Variants in RNF169 observed in about 807,000 individuals in gnomAD.
RNF169 encodes the protein ring finger protein 169, also known as E3 ubiquitin-protein ligase RNF169.
In RNF169, 24 loss-of-function variants were observed where a neutral mutation model predicts 53.9. The ratio of observed to expected loss-of-function variants is 0.45; its 90% confidence interval spans 0.32 to 0.63. The LOEUF (loss-of-function observed/expected upper bound fraction) is 0.63, where lower values mean the gene tolerates loss of function less well. Ranked by LOEUF, RNF169 falls within the 20% of genes least tolerant of loss-of-function variation. The probability of loss-of-function intolerance (pLI) is 0.04; values close to 1 mark genes in which losing one functional copy is unlikely to be tolerated. For missense variants in RNF169, 883 were observed against 906.2 expected, an observed-to-expected ratio of 0.97 and a Z score of 0.33; for synonymous variants, 396 against 363.5, an observed-to-expected ratio of 1.09 and a Z score of -1.02.
At chr11:74,781,199 A>G (rs545443352) in intron 1 of RNF169, among the ~76,000 whole-genome samples, 1 of 152,348 alleles carries the variant, frequency 6.6e-6, no homozygotes, top group South Asian at 2.1e-4. Context: ...CTAGGGGAGA[A>G]TGAGCTGTAG....
chr11:74,824,448 T>C (rs1338853958), intron 4 of RNF169, among the ~76,000 whole-genome samples: 1 of 151,988 alleles, frequency 6.6e-6, no homozygotes, highest in African/African-American at 2.4e-5. Flanking sequence ...GAAAGAATAT[T>C]TGAAGTAATA....
At chr11:74,811,151 G>C (rs1473488711) in intron 3 of RNF169, among the ~76,000 whole-genome samples, 1 of 152,094 alleles carries the variant, frequency 6.6e-6, no homozygotes, top group East Asian at 1.9e-4. Context: ...AAAATCTCTG[G>C]ATCAGCAGTC....
rs1014534150 is a variant in RNF169 at position 74,764,537 on chromosome 11, G to A, written c.502+15155G>A. On this transcript the variant is annotated intron_variant, in intron 1 of 5. Coordinates refer to ENST00000299563, the MANE Select transcript of RNF169 (RefSeq NM_001098638.2). ...CATCTCAAAAGAAGAAAAAAGTAAG[G>A]GCAAAAATAAAAATATTTTCAGACA... 5.1e-4 allele frequency among the ~76,000 whole-genome samples: 77 copies of A among 151,846 alleles called. 1 individual carries two copies. Among genetic ancestry groups the A allele is most frequent in the Non-Finnish European group, 1.2e-4 (8 of 67,972 alleles).
intron 2 of RNF169, among the ~76,000 whole-genome samples, chr11:74,809,112 T>C (rs2035841221): frequency 6.6e-6 from 1 of 152,130 alleles, no homozygotes; most frequent in Non-Finnish European, 1.5e-5. Context: ...TTTCCTGTTT[T>C]TGTGTGTTTG....
At chr11:74,776,325 T>C (rs367601498) in intron 1 of RNF169, among the ~76,000 whole-genome samples, 7 of 152,258 alleles carry the variant, frequency 4.6e-5, no homozygotes, top group African/African-American at 1.4e-4. Flanking sequence ...AAAACTATTA[T>C]AATGCAACCT....
Position 74,749,165 on chromosome 11 carries a change from C to T in RNF169, c.285C>T (p.Ala95=). 1 of 1,244,652 alleles carries T rather than the reference C, an allele frequency of 8.0e-7. No homozygotes were observed. Among genetic ancestry groups the T allele is most frequent in the Non-Finnish European group, 1.0e-6 (1 of 996,150 alleles). 77.1% of individuals were successfully genotyped at this position (1,244,652 alleles called of 1,614,324 possible). The change falls in exon 1 of 6, where the codon GCC becomes GCT. Residue 95 remains alanine, a synonymous_variant. Transcript: ENST00000299563. ...TTTGCCGAGGCTGCGCCCAACGCGC[C>T]GCCGACGCGGCGGGCCCGGGTTGCC... is the stretch of plus-strand genomic sequence containing the variant. The part of the protein sequence containing the change: ...HSLCRGCAQR[A]ADAAGPGCPR...
In RNF169 at chr11:74,754,531, A is replaced by G. The variant is rs11236241; in HGVS notation, c.502+5149A>G. On this transcript the variant is annotated intron_variant, in intron 1 of 5. Transcript: ENST00000299563. Reference sequence around the variant, plus strand: ...TGTTAAAAGTGCTTTTCAGAAATTGAATAGATAGGCCAGGCGCGGTGGCTC... The same window carrying G: ...TGTTAAAAGTGCTTTTCAGAAATTGGATAGATAGGCCAGGCGCGGTGGCTC... Among the ~76,000 whole-genome samples the G allele has an allele frequency of 9.4e-3, 1,435 of 152,304 alleles. 94 individuals are homozygous for G. The East Asian group carries it at 0.19, about 20-fold the overall frequency.
In RNF169 at chr11:74,836,695, C is replaced by A. The variant is rs781571546; in HGVS notation, c.2092C>A (p.Leu698Ile). Residue 698 changes from leucine to isoleucine, a missense_variant, in exon 6 of 6, where the codon CTC becomes ATC. Leu to Ile is a conservative substitution (Grantham distance 5). Transcript: ENST00000299563. ...SRRKGSVDQY[L>I]LRSSNMAGAK Reference sequence around the variant, plus strand: ...GCGAAAAGGAAGTGTGGATCAGTATCTCCTACGGTCCAGCAACATGGCCGG... The same window carrying A: ...GCGAAAAGGAAGTGTGGATCAGTATATCCTACGGTCCAGCAACATGGCCGG... 9 of 1,612,394 alleles carry A rather than the reference C, an allele frequency of 5.6e-6. No individual in the cohort carries two copies. In the East Asian group the frequency reaches 1.8e-4, roughly 32 times the overall value.
At chr11:74,753,736 G>T (rs763089861) in intron 1 of RNF169, among the ~76,000 whole-genome samples, 5 of 151,562 alleles carry the variant, frequency 3.3e-5, no homozygotes, top group Admixed American at 2.0e-4. Context: ...TTTTTATTTT[G>T]TTGAAGTCCA....
intron 4 of RNF169, chr11:74,831,486 A>G (rs1462798174): frequency 6.6e-6 from 1 of 152,208 alleles, no homozygotes; most frequent in African/African-American, 2.4e-5. Context: ...GCTGAAAGAA[A>G]TTAAAGAAGA....
At chr11:74,818,090 A>G (rs551033499) in intron 4 of RNF169, among the ~76,000 whole-genome samples, 10 of 152,336 alleles carry the variant, frequency 6.6e-5, no homozygotes, top group Non-Finnish European at 1.3e-4. Flanking sequence ...GACCTAAAAT[A>G]TATCTTTATA....
In RNF169 at chr11:74,842,397, A is replaced by C. The variant is rs1480684639; in HGVS notation, c.*5667A>C. The stretch of plus-strand genomic sequence containing the variant: ...GCCCAAGTTGAGAATACAGTAAAGG[A>C]AACTCATGAAAGTGGATGTTCTGTT... On this transcript the variant is annotated 3_prime_UTR_variant, in exon 6 of 6. Coordinates refer to ENST00000299563, the MANE Select transcript of RNF169 (RefSeq NM_001098638.2). 5.3e-5 allele frequency: 8 copies of C among 152,260 alleles called. No homozygotes were observed. The East Asian group carries it at 1.5e-3, about 29-fold the overall frequency. The allele number at this position is 152,260 out of a possible 1,614,324, so 9.4% of individuals were successfully genotyped here.
At chr11:74,808,199 A>ATTATT (rs2135114430) in intron 2 of RNF169, 1 of 152,328 alleles carries the variant, frequency 6.6e-6, no homozygotes, top group East Asian at 1.9e-4. Flanking sequence ...ATTAAAAAAT[A>ATTATT]AAATTAAGAA....
chr11:74,830,456 A>C (rs1451646182), intron 4 of RNF169: 1 of 152,126 alleles, frequency 6.6e-6, no homozygotes, highest in African/African-American at 2.4e-5. Flanking sequence ...GAATGTAATG[A>C]AATGCACCAA....
chr11:74,782,032 A>G (rs932620545), intron 1 of RNF169, among the ~76,000 whole-genome samples: 1 of 152,182 alleles, frequency 6.6e-6, no homozygotes, highest in African/African-American at 2.4e-5. Flanking sequence ...CTTTTATTAT[A>G]TGTGTGGCAA....
chr11:74,782,503 A>G (rs2035430351), intron 1 of RNF169, among the ~76,000 whole-genome samples: 1 of 152,146 alleles, frequency 6.6e-6, no homozygotes, highest in South Asian at 2.1e-4. Flanking sequence ...TCTGAGGTGG[A>G]ACAGTTTCAT....
chr11:74,770,051 C>G (rs1446851620), intron 1 of RNF169, among the ~76,000 whole-genome samples: 1 of 152,182 alleles, frequency 6.6e-6, no homozygotes, highest in Non-Finnish European at 1.5e-5. Context: ...CTCAGTCTCT[C>G]AAAGTGCTGG....
chr11:74,810,255 A>G lies in RNF169; in HGVS notation c.648A>G (p.Thr216=). The G allele has an allele frequency of 6.2e-7, 1 of 1,613,810 alleles. No individual in the cohort carries two copies. The highest frequency in any genetic ancestry group is 8.5e-7 in the Non-Finnish European group (1 of 1,179,728). ...TCCACAAGCTGTTACCAGAGGATAC[A>G]GAAACAGGGAAAAGGAAAATGGATG... ...DQIHKLLPED[T]ETGKRKMDEQ... Residue 216 remains threonine (T), a synonymous_variant, in exon 3 of 6, where the codon ACA becomes ACG. Transcript: ENST00000299563.
rs2036552503 is a variant in RNF169 at position 74,841,556 on chromosome 11, T to G, written c.*4826T>G. On this transcript the variant is annotated 3_prime_UTR_variant, in exon 6 of 6. Coordinates refer to ENST00000299563, the MANE Select transcript of RNF169 (RefSeq NM_001098638.2). The stretch of plus-strand genomic sequence containing the variant: ...TCTTAAGAAAAAAATTTACTCTCTC[T>G]CCTTTGTGAGTAAATGCCTCCTTAA... 1 of 152,208 alleles carries G rather than the reference T, an allele frequency of 6.6e-6. No homozygotes were observed. The highest frequency in any genetic ancestry group is 1.5e-5 in the Non-Finnish European group (1 of 68,044). 9.4% of individuals were successfully genotyped at this position (152,208 alleles called of 1,614,324 possible).
Sources: gnomAD v4.1 joint callset for allele counts (sites outside exome capture counted in the v4.1 genomes callset) on GRCh38, gnomAD v4.1.1 for gene constraint, MANE v1.5 for transcripts, NCBI Gene and HGNC (gene_info 2026-07-23, HGNC 2026-07-21) for gene names.